ANKS1B: variants seen among roughly 807,000 people sequenced by gnomAD.
The protein encoded by ANKS1B is ankyrin repeat and sterile alpha motif domain containing 1B.
In ANKS1B, 36 loss-of-function variants were observed where a neutral mutation model predicts 148.3. The ratio of observed to expected loss-of-function variants is 0.24; its 90% CI spans 0.19 to 0.32. ANKS1B has a LOEUF of 0.32. Among genes scored for constraint, ANKS1B ranks in the 10% least tolerant of loss-of-function variants. ANKS1B has a pLI of 1.00. For synonymous variants in ANKS1B, 542 were observed against 560.8 expected (o/e 0.97, Z 0.47); for missense variants, 1,157 against 1,542.6 (o/e 0.75, Z 4.19).
intron 17 of ANKS1B, among the ~76,000 whole-genome samples, chr12:98,986,132 T>G (rs921483456): frequency 3.9e-5 from 6 of 152,156 alleles, no homozygotes; most frequent in African/African-American, 1.4e-4. Flanking sequence ...ATTTCTATTT[T>G]TTTGGCTGTA....
intron 1 of ANKS1B, among the ~76,000 whole-genome samples, chr12:99,983,516 T>C (rs1047020131): frequency 5.9e-5 from 9 of 152,194 alleles, no homozygotes; most frequent in African/African-American, 2.2e-4. Context: ...TATGTCCAGG[T>C]AACTGAAAGT....
intron 17 of ANKS1B, among the ~76,000 whole-genome samples, chr12:98,951,878 TC>T (rs1374469785): frequency 6.6e-6 from 1 of 152,210 alleles, no homozygotes; most frequent in East Asian, 1.9e-4. Flanking sequence ...TTCTCTTTTT[TC>T]TTATTAGATT....
intron 1 of ANKS1B, among the ~76,000 whole-genome samples, chr12:99,977,438 C>G (rs1307107966): frequency 6.6e-6 from 1 of 152,156 alleles, no homozygotes; most frequent in Non-Finnish European, 1.5e-5. Flanking sequence ...TGTGAGCCAC[C>G]ACGTCCAGAC....
At chr12:99,677,350 G>A (rs7979313) in intron 8 of ANKS1B, among the ~76,000 whole-genome samples, 2 of 145,138 alleles carry the variant, frequency 1.4e-5, no homozygotes, top group African/African-American at 5.7e-5. Context: ...TTATTTTTTT[G>A]TTTTTTTTCC....
At chr12:99,518,273 A>G (rs1460956597) in intron 9 of ANKS1B, among the ~76,000 whole-genome samples, 1 of 152,068 alleles carries the variant, frequency 6.6e-6, no homozygotes, top group East Asian at 1.9e-4. Context: ...TTTTTGGAAT[A>G]GTTTCAGTAG....
chr12:99,979,735 T>C (rs2095670822), intron 1 of ANKS1B, among the ~76,000 whole-genome samples: 1 of 152,098 alleles, frequency 6.6e-6, no homozygotes, highest in Non-Finnish European at 1.5e-5. Context: ...TACACTTAAA[T>C]ACAGTGTGAA....
chr12:99,730,830 C>T (rs577012216), intron 8 of ANKS1B, among the ~76,000 whole-genome samples: 1 of 152,200 alleles, frequency 6.6e-6, no homozygotes, highest in Non-Finnish European at 1.5e-5. Flanking sequence ...CTGGAATAAA[C>T]GTTTCTTCAT....
At chr12:99,636,475 T>C (rs2098237230) in intron 9 of ANKS1B, among the ~76,000 whole-genome samples, 1 of 152,188 alleles carries the variant, frequency 6.6e-6, no homozygotes, top group African/African-American at 2.4e-5. Flanking sequence ...ATCTGACACA[T>C]AGATTTTCTC....
chr12:98,931,168 T>G (rs369671982), intron 17 of ANKS1B, among the ~76,000 whole-genome samples: 9 of 152,194 alleles, frequency 5.9e-5, no homozygotes, highest in African/African-American at 2.2e-4. Flanking sequence ...GTGACTTGAG[T>G]TGTTGACGAA....
At chr12:99,888,080 A>G (rs953261480) in intron 1 of ANKS1B, among the ~76,000 whole-genome samples, 2 of 152,224 alleles carry the variant, frequency 1.3e-5, no homozygotes, top group East Asian at 3.8e-4. Context: ...ATGGAAGCAG[A>G]CGTAGAAAGA....
rs57856657 is a variant in ANKS1B, at chr12:99,572,711, T to C, written c.1273-68070A>G. Among the ~76,000 whole-genome samples, 23 of 152,112 alleles carry C rather than the reference T, an allele frequency of 1.5e-4. No homozygotes were observed. The East Asian group carries it at 2.7e-3, about 18-fold the overall frequency. ...TGAGGCAGCATTAAATGGGTAAAATTCAGGTAGTAAGCCTAAAAATCCAAG... is the reference window on the plus strand; with the variant it reads ...TGAGGCAGCATTAAATGGGTAAAATCCAGGTAGTAAGCCTAAAAATCCAAG... On this transcript the variant is annotated intron_variant, in intron 9 of 26. Coordinates refer to ENST00000683438, the MANE Select transcript of ANKS1B (RefSeq NM_001352186.2).
At chr12:99,393,074 G>A (rs1308729745) in intron 12 of ANKS1B, among the ~76,000 whole-genome samples, 1 of 151,272 alleles carries the variant, frequency 6.6e-6, no homozygotes, top group Non-Finnish European at 1.5e-5. Context: ...TAGATAGATT[G>A]ATAGATCAAT....
chr12:99,528,717 T>G (rs1015654155), intron 9 of ANKS1B, among the ~76,000 whole-genome samples: 1 of 152,186 alleles, frequency 6.6e-6, no homozygotes, highest in African/African-American at 2.4e-5. Context: ...ACTCAGTAAT[T>G]TTTAAAATGA....
At position 99,339,263 on chromosome 12, in the gene ANKS1B, T is replaced by G. The variant is rs139467521; in HGVS notation, c.1756+60368A>C. 2.5e-3 allele frequency among the ~76,000 whole-genome samples: 381 copies of G among 152,290 alleles called. 2 individuals are homozygous for G. The highest frequency in any genetic ancestry group is 8.2e-3 in the African/African-American group (341 of 41,562). ...GCTCTAAGTGCTCCCTCATAGGCTC[T>G]TGCTGACTTCTCCCCTGTGTTGCTT... On this transcript the variant is annotated intron_variant, in intron 12 of 26. Coordinates refer to ENST00000683438, the MANE Select transcript of ANKS1B (RefSeq NM_001352186.2).
intron 8 of ANKS1B, among the ~76,000 whole-genome samples, chr12:99,741,248 A>G (rs1468683242): frequency 1.0e-5 from 1 of 99,198 alleles, no homozygotes; most frequent in Non-Finnish European, 2.2e-5. Flanking sequence ...CACACACATC[A>G]GGAAACAACA....
Position 99,621,841 on chromosome 12 carries a change from A to G in ANKS1B, c.1272+33226T>C, listed in dbSNP as rs1021760841. Among the ~76,000 whole-genome samples the G allele has an allele frequency of 2.6e-5, 3 of 116,574 alleles. 1 individual carries two copies. The highest frequency in any genetic ancestry group is 3.6e-5 in the Non-Finnish European group (2 of 55,736). 76.5% of individuals were successfully genotyped at this position (116,574 alleles called of 152,430 possible). A position where few individuals can be genotyped will look rare whatever the true frequency, so the allele number is the denominator to read the frequency against. On this transcript the variant is annotated intron_variant, in intron 9 of 26. Coordinates refer to ENST00000683438, the MANE Select transcript of ANKS1B (RefSeq NM_001352186.2). ...TTCAATATCCCACTGACAGCATTAG[A>G]CAGATCATTGAGGCAGAAAACAAAG...
rs139288972 is a variant in ANKS1B, at chr12:99,856,174, G to C, written c.135-30785C>G. Among the ~76,000 whole-genome samples, 122 of 152,158 alleles carry C rather than the reference G, an allele frequency of 8.0e-4. 1 individual carries two copies. Among genetic ancestry groups the C allele is most frequent in the Middle Eastern group, 6.8e-3 (2 of 294 alleles). On this transcript the variant is annotated intron_variant, in intron 1 of 26. Coordinates refer to ENST00000683438, the MANE Select transcript of ANKS1B (RefSeq NM_001352186.2). ...AATAAAATTAATAGACCATTAGCAA[G>C]ATTAATCAAGAAGAGAGAAGATCCA... is the stretch of plus-strand genomic sequence containing the variant.
chr12:99,551,105 C>T (rs1225895393), intron 9 of ANKS1B, among the ~76,000 whole-genome samples: 1 of 152,156 alleles, frequency 6.6e-6, no homozygotes, highest in Non-Finnish European at 1.5e-5. Context: ...AAGCACCTGA[C>T]AACAAATATG....
chr12:99,538,747 T>C (rs1596574560), intron 9 of ANKS1B, among the ~76,000 whole-genome samples: 1 of 152,156 alleles, frequency 6.6e-6, no homozygotes, highest in East Asian at 1.9e-4. Context: ...TGTTGTCTGA[T>C]TGCTCTTGCT....
Sources: gnomAD v4.1 joint callset for allele counts (sites outside exome capture counted in the v4.1 genomes callset) on GRCh38, gnomAD v4.1.1 for gene constraint, MANE v1.5 for transcripts, NCBI Gene and HGNC (gene_info 2026-07-23, HGNC 2026-07-21) for gene names.